The following DMRT1 variants were observed in gnomAD, a reference collection of about 807,000 sequenced individuals.
DMRT1 encodes the protein doublesex- and mab-3-related transcription factor 1.
Under a neutral mutation model 32.3 loss-of-function variants are expected in DMRT1, and 7 were observed. The observed-to-expected ratio is 0.22, with a 90% CI of 0.12 to 0.41. The LOEUF is 0.41. DMRT1 is among the 10% of genes least tolerant of loss of function. The pLI is 1.00. For missense variants in DMRT1, 625 were observed against 500.5 expected (o/e 1.25, Z -2.37); for synonymous variants, 278 against 206.1 (o/e 1.35, Z -2.99).
At chr9:891,011 G>A (rs775743841) in intron 2 of DMRT1, among the ~76,000 whole-genome samples, 17 of 151,642 alleles carry the variant, frequency 1.1e-4, no homozygotes, top group South Asian at 2.1e-4. Flanking sequence ...GATTACAGGC[G>A]TGAGCCACCG....
At position 968,092 on chromosome 9, in the gene DMRT1, G is replaced by C; in HGVS notation, c.1075G>C (p.Glu359Gln). 1.2e-6 allele frequency: 2 copies of C among 1,614,136 alleles called. No homozygotes were observed. Among genetic ancestry groups the C allele is most frequent in the Non-Finnish European group, 1.7e-6 (2 of 1,180,044 alleles). ...AGTGCTTGAATGTGAGCCTGCGTCG[G>C]AGCCCAGCAGCTTCACAGTCACTCC... is the stretch of plus-strand genomic sequence containing the variant. ...KAVLECEPASEPSSFTVTPVI... is the reference protein window; with the variant it reads ...KAVLECEPASQPSSFTVTPVI... The change falls in exon 5 of 5, where the codon GAG becomes CAG. Residue 359 changes from glutamate (E) to glutamine (Q), a missense_variant. This residue lies in a region of DMRT1 where 416 missense variants were observed against 321.6 expected (regional missense o/e 1.29). Coordinates refer to ENST00000382276, the MANE Select transcript of DMRT1 (RefSeq NM_021951.3).
chr9:964,316 A>G (rs1462377981), intron 4 of DMRT1, among the ~76,000 whole-genome samples: 1 of 152,090 alleles, frequency 6.6e-6, no homozygotes, highest in African/African-American at 2.4e-5. Context: ...GGTAAGAATG[A>G]TCCTGTGTAA....
chr9:968,399 G>A lies in DMRT1; in HGVS notation c.*260G>A. 2 of 423,558 alleles carry A rather than the reference G, an allele frequency of 4.7e-6. No homozygotes were observed. The highest frequency in any genetic ancestry group is 4.3e-6 in the Non-Finnish European group (1 of 232,632). The allele number at this position is 423,558 out of a possible 1,614,324, so 26.2% of individuals were successfully genotyped here. On this transcript the variant is annotated 3_prime_UTR_variant, in exon 5 of 5. Transcript: ENST00000382276. ...ATTTTTTTAATGACACTGGTTTCAT[G>A]TAGTTTTCAAGAAATAAAAGAATTC... is the stretch of plus-strand genomic sequence containing the variant.
At chr9:939,218 C>T (rs1818981747) in intron 4 of DMRT1, among the ~76,000 whole-genome samples, 1 of 152,216 alleles carries the variant, frequency 6.6e-6, no homozygotes. Context: ...AAGATGCTTC[C>T]ATCCCAGTGC....
rs555662426 is a variant in DMRT1 at position 952,446 on chromosome 9, C to T, written c.968-15539C>T. On this transcript the variant is annotated intron_variant, in intron 4 of 4. Coordinates refer to ENST00000382276, the MANE Select transcript of DMRT1 (RefSeq NM_021951.3). The stretch of plus-strand genomic sequence containing the variant: ...TAAAATTACGGTGTAATCAAAAGGC[C>T]AGGCAGCCCGTAAACCTGAGAATTT... 3.3e-5 allele frequency among the ~76,000 whole-genome samples: 5 copies of T among 152,234 alleles called. No homozygotes were observed. In the South Asian group the frequency reaches 6.2e-4, roughly 19 times the overall value.
At chr9:885,135 G>A (rs1353115785) in intron 2 of DMRT1, among the ~76,000 whole-genome samples, 1 of 152,180 alleles carries the variant, frequency 6.6e-6, no homozygotes, top group African/African-American at 2.4e-5. Context: ...CATACAGATG[G>A]GCAGGCCGTG....
At chr9:882,139 A>AG (rs1816757617) in intron 2 of DMRT1, among the ~76,000 whole-genome samples, 1 of 152,204 alleles carries the variant, frequency 6.6e-6, no homozygotes, top group African/African-American at 2.4e-5. Context: ...AGCAGGAATC[A>AG]GGGCAGGGAG....
intron 4 of DMRT1, among the ~76,000 whole-genome samples, chr9:925,813 G>C (rs113359216): frequency 6.6e-6 from 1 of 152,166 alleles, no homozygotes; most frequent in South Asian, 2.1e-4. Flanking sequence ...GACAGTGCCT[G>C]TTAGGTAGGG....
intron 3 of DMRT1, among the ~76,000 whole-genome samples, chr9:899,993 C>T (rs1045088775): frequency 6.6e-6 from 1 of 152,216 alleles, no homozygotes; most frequent in African/African-American, 2.4e-5. Flanking sequence ...TTATGGTTGT[C>T]CATTGACGAT....
rs182748202 is a variant in DMRT1 at position 902,138 on chromosome 9, G to A, written c.822+7943G>A. The stretch of plus-strand genomic sequence containing the variant: ...TTGGCCAGGCTGGTCTCAAACTCCT[G>A]ACCTCAGGTGATCCGCCCCCCTCAG... On this transcript the variant is annotated intron_variant, in intron 3 of 4. Transcript: ENST00000382276. Among the ~76,000 whole-genome samples the A allele has an allele frequency of 5.3e-3, 802 of 151,328 alleles. 10 individuals are homozygous for A. Among genetic ancestry groups the A allele is most frequent in the African/African-American group, 0.018 (761 of 41,224 alleles).
rs1470429647 is a variant in DMRT1 at position 847,016 on chromosome 9, C to G, written c.411C>G (p.Ile137Met). The stretch of plus-strand genomic sequence containing the variant: ...AGGAATTGGGTATCAGCCACCCCAT[C>G]CCACTGCCCAGTGCGGCCGAGCTGC... ...QEEELGISHPIPLPSAAELLV... is the reference protein window; with the variant it reads ...QEEELGISHPMPLPSAAELLV... Residue 137 changes from isoleucine to methionine, a missense_variant, in exon 2 of 5, where the codon ATC becomes ATG. Transcript: ENST00000382276. The G allele has an allele frequency of 1.9e-6, 3 of 1,614,178 alleles. No individual in the cohort carries two copies. The highest frequency in any genetic ancestry group is 1.1e-5 in the South Asian group (1 of 91,084).
chr9:922,429 C>G (rs1394635593), intron 4 of DMRT1, among the ~76,000 whole-genome samples: 5 of 151,948 alleles, frequency 3.3e-5, no homozygotes, highest in East Asian at 3.9e-4. Context: ...TGATGCTTCC[C>G]CAGCTGGTGA....
intron 4 of DMRT1, among the ~76,000 whole-genome samples, chr9:925,863 C>A (rs562865087): frequency 2.0e-5 from 3 of 152,316 alleles, no homozygotes; most frequent in African/African-American, 7.2e-5. Flanking sequence ...CGTGGAGGAA[C>A]TGAAGCTCAG....
intron 4 of DMRT1, among the ~76,000 whole-genome samples, chr9:933,981 G>T (rs558270710): frequency 6.6e-6 from 1 of 151,072 alleles, no homozygotes; most frequent in South Asian, 2.1e-4. Context: ...ACTGCTAACA[G>T]AATTAGTTGA....
chr9:947,113 A>G (rs1428011114), intron 4 of DMRT1, among the ~76,000 whole-genome samples: 1 of 152,202 alleles, frequency 6.6e-6, no homozygotes, highest in East Asian at 1.9e-4. Context: ...ACCCTACCCC[A>G]TTTAGTGGCT....
rs187783705 is a variant in DMRT1 at position 892,909 on chromosome 9, C to T, written c.539-1003C>T. ...TGCTTCCACTCCTTTGTCCTTGCTG[C>T]TCCTTTCTCCTTCCTCTCCTTTTCT... On this transcript the variant is annotated intron_variant, in intron 2 of 4. Coordinates refer to ENST00000382276, the MANE Select transcript of DMRT1 (RefSeq NM_021951.3). Among the ~76,000 whole-genome samples the T allele has an allele frequency of 2.0e-3, 298 of 152,284 alleles. 1 individual carries two copies. The highest frequency in any genetic ancestry group is 6.8e-3 in the African/African-American group (281 of 41,556).
At chr9:894,971 C>G (rs1211693973) in intron 3 of DMRT1, 4 of 152,134 alleles carry the variant, frequency 2.6e-5, no homozygotes, top group African/African-American at 7.3e-5. Flanking sequence ...CCTACCACCC[C>G]ACCCGGCTAA....
At chr9:887,705 T>C (rs548186705) in intron 2 of DMRT1, among the ~76,000 whole-genome samples, 2 of 152,308 alleles carry the variant, frequency 1.3e-5, no homozygotes, top group South Asian at 4.1e-4. Flanking sequence ...ACCTCCACTC[T>C]GGCTCATCAC....
Sources: gnomAD v4.1 joint callset for allele counts (sites outside exome capture counted in the v4.1 genomes callset) on GRCh38, gnomAD v4.1.1 for gene constraint, gnomAD v4.1.1 regional missense constraint, MANE v1.5 for transcripts, NCBI Gene and HGNC (gene_info 2026-07-23, HGNC 2026-07-21) for gene names.